MAP3K9: variants seen among roughly 807,000 people sequenced by gnomAD.
MAP3K9 encodes the protein mitogen-activated protein kinase kinase kinase 9, also known as mixed lineage kinase 1 (tyr and ser/thr specificity).
Under a neutral mutation model 95.8 loss-of-function variants are expected in MAP3K9, and 46 were observed. The observed-to-expected ratio is 0.48, with a 90% CI of 0.38 to 0.61. MAP3K9 has a LOEUF of 0.61. Among genes scored for constraint, MAP3K9 ranks in the 20% least tolerant of loss-of-function variants. The pLI, the probability that MAP3K9 is intolerant of heterozygous loss-of-function variation, is 0.00. For synonymous variants in MAP3K9, 533 were observed against 593.8 expected, an observed-to-expected ratio of 0.90 and a Z score of 1.49; for missense variants, 1,296 against 1,474.3, an observed-to-expected ratio of 0.88 and a Z score of 1.98.
At chr14:70,750,230 AC>A in intron 3 of MAP3K9, 149 bp from the exon 4 acceptor site, 1 of 827,884 alleles carries the variant, frequency 1.2e-6, no homozygotes. Flanking sequence ...TAAAAGGGAA[AC>A]CATAAAGCCT....
intron 2 of MAP3K9, chr14:70,783,476 C>T: frequency 5.8e-6 from 5 of 860,950 alleles, no homozygotes; most frequent in Non-Finnish European, 5.6e-6. Context: ...TTTGTCCCCT[C>T]CCCTTTCCTC....
chr14:70,730,906 A>C, intron 11 of MAP3K9, 42 bp from the exon 12 acceptor site: 5 of 1,560,118 alleles, frequency 3.2e-6, no homozygotes, highest in Non-Finnish European at 3.5e-6. Flanking sequence ...ATGAGGCACC[A>C]TATTTCGGGG....
chr14:70,787,097 G>A (rs2054754050), intron 2 of MAP3K9, among the ~76,000 whole-genome samples: 1 of 152,186 alleles, frequency 6.6e-6, no homozygotes, highest in Middle Eastern at 3.4e-3. Context: ...TCTGCACACT[G>A]GAATCTAGCA....
chr14:70,730,454 C>G lies in MAP3K9; in HGVS notation c.3241G>C (p.Val1081Leu), dbSNP rs201830876. Reference sequence around the variant, plus strand: ...TTCAGTTCCGCTCTGCACAGCGGCACGGTGCTGTCCTGACTCTGCCCCTCT... The same window carrying G: ...TTCAGTTCCGCTCTGCACAGCGGCAGGGTGCTGTCCTGACTCTGCCCCTCT... ...DAEGQSQDST[V>L]PLCRAELNTH... The change falls in exon 12 of 12, where the codon GTG becomes CTG. Residue 1081 changes from valine to leucine, a missense_variant. Coordinates refer to ENST00000554752, the MANE Select transcript of MAP3K9 (RefSeq NM_001284230.2). 6.8e-6 allele frequency: 11 copies of G among 1,614,112 alleles called. No homozygotes were observed. Among genetic ancestry groups the G allele is most frequent in the African/African-American group, 1.3e-5 (1 of 74,948 alleles).
In MAP3K9 at chr14:70,727,076, T is replaced by C. The variant is rs1230835631; in HGVS notation, c.*3304A>G. 4 of 152,216 alleles carry C rather than the reference T, an allele frequency of 2.6e-5. No individual in the cohort carries two copies. The highest frequency in any genetic ancestry group is 5.9e-5 in the Non-Finnish European group (4 of 68,042). The allele number at this position is 152,216 out of a possible 1,614,324, so 9.4% of individuals were successfully genotyped here. A position where few individuals can be genotyped will look rare whatever the true frequency, so the allele number is the denominator to read the frequency against. ...TCACTTGAATTTTCATCTTTAAGCATTTCCCCTTCTCTACTAGCAAGGGTA... is the reference window on the plus strand; with the variant it reads ...TCACTTGAATTTTCATCTTTAAGCACTTCCCCTTCTCTACTAGCAAGGGTA... On this transcript the variant is annotated 3_prime_UTR_variant, in exon 12 of 12. Transcript: ENST00000554752.
chr14:70,732,718 C>T lies in MAP3K9; in HGVS notation c.2651G>A (p.Arg884Gln), dbSNP rs201816172. ...AGGATCTCGTTTGAAGCGCTCTACT[C>T]GGACATTGACCAGGGGGTTGTGGGT... ...PCTHNPLVNV[R>Q]VERFKRDPNQ... is the part of the protein sequence containing the mutation. The change falls in exon 11 of 12, where the codon CGA (arginine) becomes CAA (glutamine). Residue 884 changes from arginine to glutamine, a missense_variant. Around this residue, in one of 5 missense-constraint regions of MAP3K9, gnomAD observed 433 missense variants for 441.4 expected, o/e 0.98. Transcript: ENST00000554752. 47 of 1,602,166 alleles carry T rather than the reference C, an allele frequency of 2.9e-5. No homozygotes were observed. The highest frequency in any genetic ancestry group is 1.0e-4 in the Admixed American group (6 of 59,400).
chr14:70,768,873 C>A (rs887099364), intron 2 of MAP3K9, among the ~76,000 whole-genome samples: 1 of 152,184 alleles, frequency 6.6e-6, no homozygotes, highest in Non-Finnish European at 1.5e-5. Flanking sequence ...ACCTTGGTGC[C>A]AAGGCTCATG....
In MAP3K9 at chr14:70,809,472, C is replaced by T. The variant is rs2055043306; in HGVS notation, c.-301G>A. On this transcript the variant is annotated 5_prime_UTR_variant, in exon 1 of 12. Transcript: ENST00000554752. Reference sequence around the variant, plus strand: ...TGCCGCCGGTACCTGCTCGCGCAGCCGGTGCCCGCCGCTGCCAGCCGGCCG... The same window carrying T: ...TGCCGCCGGTACCTGCTCGCGCAGCTGGTGCCCGCCGCTGCCAGCCGGCCG... 1 of 213,542 alleles carries T rather than the reference C, an allele frequency of 4.7e-6. No individual in the cohort carries two copies. The highest frequency in any genetic ancestry group is 9.2e-6 in the Non-Finnish European group (1 of 108,418). The allele number at this position is 213,542 out of a possible 1,614,324, so 13.2% of individuals were successfully genotyped here. A position where few individuals can be genotyped will look rare whatever the true frequency, so the allele number is the denominator to read the frequency against.
intron 2 of MAP3K9, among the ~76,000 whole-genome samples, chr14:70,765,140 C>T (rs185088017): frequency 7.2e-5 from 11 of 152,086 alleles, no homozygotes; most frequent in Non-Finnish European, 1.5e-4. Flanking sequence ...ACCAGCCTGG[C>T]CAACATAGCA....
intron 1 of MAP3K9, among the ~76,000 whole-genome samples, chr14:70,802,376 C>T (rs1435930305): frequency 2.6e-5 from 4 of 152,204 alleles, no homozygotes; most frequent in African/African-American, 4.8e-5. Flanking sequence ...ACCAATCATT[C>T]TCCTTCCCAA....
chr14:70,765,402 T>A (rs541063052), intron 2 of MAP3K9: 7 of 661,316 alleles, frequency 1.1e-5, no homozygotes, highest in South Asian at 6.7e-5. Context: ...TGGTATACAG[T>A]AATGTCCTAG....
intron 3 of MAP3K9, among the ~76,000 whole-genome samples, chr14:70,760,237 T>C (rs943548048): frequency 5.3e-5 from 8 of 151,198 alleles, no homozygotes; most frequent in Non-Finnish European, 1.0e-4. Context: ...AATGATAAAC[T>C]ACAGTCCTTT....
rs2053838453 is a variant in MAP3K9, at chr14:70,727,748, G to A, written c.*2632C>T. ...ATGCTCACAGTAGCACCTTTGGATA[G>A]CCCTGCTTTTGCTTCTTTCAGGTAC... On this transcript the variant is annotated 3_prime_UTR_variant, in exon 12 of 12. Transcript: ENST00000554752. 1 of 152,206 alleles carries A rather than the reference G, an allele frequency of 6.6e-6. No individual in the cohort carries two copies. The highest frequency in any genetic ancestry group is 2.4e-5 in the African/African-American group (1 of 41,438). 9.4% of individuals were successfully genotyped at this position (152,206 alleles called of 1,614,324 possible).
chr14:70,766,263 T>G (rs1186067651), intron 2 of MAP3K9, among the ~76,000 whole-genome samples: 1 of 152,196 alleles, frequency 6.6e-6, no homozygotes, highest in Non-Finnish European at 1.5e-5. Context: ...ACTCTTAATG[T>G]GACCCTGGAC....
At chr14:70,767,470 T>C (rs1200483286) in intron 2 of MAP3K9, among the ~76,000 whole-genome samples, 1 of 148,926 alleles carries the variant, frequency 6.7e-6, no homozygotes. Flanking sequence ...TCTCAAACTA[T>C]CCACTTTCCC....
At chr14:70,787,054 G>C (rs2054753388) in intron 2 of MAP3K9, among the ~76,000 whole-genome samples, 2 of 152,050 alleles carry the variant, frequency 1.3e-5, no homozygotes, top group South Asian at 4.2e-4. Flanking sequence ...GATAAGAATA[G>C]GAAAGCCAAA....
intron 2 of MAP3K9, among the ~76,000 whole-genome samples, chr14:70,778,098 GTTA>G (rs919618887): frequency 5.9e-5 from 9 of 151,840 alleles, no homozygotes; most frequent in South Asian, 2.1e-4. Context: ...TGTTGTTGTT[GTTA>G]TTGTTGTTGT....
chr14:70,785,520 C>T (rs1194824096), intron 2 of MAP3K9, among the ~76,000 whole-genome samples: 6 of 152,098 alleles, frequency 3.9e-5, no homozygotes, highest in African/African-American at 9.7e-5. Context: ...GTACTGTATT[C>T]GCCCTTCTTG....
Position 70,733,221 on chromosome 14 carries a change from T to G in MAP3K9, c.2148A>C (p.Gly716=). Residue 716 remains glycine, a synonymous_variant, in exon 11 of 12, where the codon GGA becomes GGC. Coordinates refer to ENST00000554752, the MANE Select transcript of MAP3K9 (RefSeq NM_001284230.2). The part of the protein sequence containing the change: ...GEDGDGPSSD[G]IHEEPTPVNS... ...TGACTGGGGTGGGCTCCTCATGGAT[T>G]CCATCACTGGAGGGGCCATCGCCAT... 1.9e-6 allele frequency: 3 copies of G among 1,611,628 alleles called. No individual in the cohort carries two copies. The highest frequency in any genetic ancestry group is 2.5e-6 in the Non-Finnish European group (3 of 1,178,268).
Sources: allele counts gnomAD v4.1 joint callset (sites outside exome capture counted in the v4.1 genomes callset), GRCh38; gene constraint gnomAD v4.1.1; regional missense constraint gnomAD v4.1.1; transcripts MANE v1.5; gene names NCBI Gene and HGNC (gene_info 2026-07-23, HGNC 2026-07-21).